Variants in FHIT observed in about 807,000 individuals in gnomAD.
FHIT encodes bis(5'-adenosyl)-triphosphatase.
In FHIT, 19 loss-of-function variants were observed where a neutral mutation model predicts 17.9. That is an observed-to-expected ratio of 1.06 (90% CI 0.74 to 1.56). FHIT has a LOEUF of 1.56. Among genes scored for constraint, FHIT ranks in the 40% most tolerant of loss-of-function variants. FHIT has a pLI of 0.00. For synonymous variants in FHIT, 81 were observed against 69.7 expected, an observed-to-expected ratio of 1.16 and a Z score of -0.81; for missense variants, 248 against 189.2, an observed-to-expected ratio of 1.31 and a Z score of -1.82.
At chr3:60,238,892 C>T (rs148668645) in intron 5 of FHIT, among the ~76,000 whole-genome samples, 160 of 152,282 alleles carry the variant, frequency 1.1e-3, no homozygotes, top group African/African-American at 3.7e-3. Context: ...AGGAATGGAG[C>T]TGATTCCTGT....
At chr3:60,706,521 A>G (rs1312810230) in intron 4 of FHIT, among the ~76,000 whole-genome samples, 4 of 152,236 alleles carry the variant, frequency 2.6e-5, no homozygotes, top group African/African-American at 9.6e-5. Context: ...TTGGGTTAGA[A>G]TGAACACTTA....
At chr3:60,127,071 T>G (rs116197896) in intron 5 of FHIT, among the ~76,000 whole-genome samples, 1,661 of 152,280 alleles carry the variant, frequency 0.011, 16 homozygotes, top group Non-Finnish European at 0.016. Flanking sequence ...CCTGGTGAGA[T>G]CAGGTACCTT....
intron 5 of FHIT, among the ~76,000 whole-genome samples, chr3:60,029,488 A>G (rs1402692802): frequency 8.5e-5 from 13 of 152,192 alleles, no homozygotes. Flanking sequence ...TTAAAAAGAC[A>G]TATATATGCA....
chr3:60,937,278 G>T (rs1575720814), intron 3 of FHIT, among the ~76,000 whole-genome samples: 1 of 152,182 alleles, frequency 6.6e-6, no homozygotes, highest in Non-Finnish European at 1.5e-5. Flanking sequence ...TTGATTTGGG[G>T]CTGTATTTGG....
At chr3:60,475,514 C>T (rs545952168) in intron 5 of FHIT, among the ~76,000 whole-genome samples, 7 of 152,246 alleles carry the variant, frequency 4.6e-5, no homozygotes, top group African/African-American at 1.2e-4. Flanking sequence ...TGCACTTGTG[C>T]GCTTAAAACT....
At chr3:60,295,800 T>C (rs192988174) in intron 5 of FHIT, among the ~76,000 whole-genome samples, 2 of 152,232 alleles carry the variant, frequency 1.3e-5, no homozygotes, top group East Asian at 1.9e-4. Flanking sequence ...AGAGAAAGGA[T>C]AGCTTTTCCA....
chr3:60,423,006 A>G (rs1246705284), intron 5 of FHIT, among the ~76,000 whole-genome samples: 1 of 152,182 alleles, frequency 6.6e-6, no homozygotes, highest in Non-Finnish European at 1.5e-5. Context: ...TAATATCTTA[A>G]CTTTAATACT....
intron 5 of FHIT, among the ~76,000 whole-genome samples, chr3:60,396,934 CTAAGTT>C (rs1240639503): frequency 5.3e-5 from 8 of 152,074 alleles, no homozygotes; most frequent in Non-Finnish European, 8.8e-5. Flanking sequence ...CTCCTCATAT[CTAAGTT>C]TAATTTGGGA....
chr3:59,808,991 C>T (rs1042665747), intron 8 of FHIT, among the ~76,000 whole-genome samples: 1 of 151,884 alleles, frequency 6.6e-6, no homozygotes, highest in Non-Finnish European at 1.5e-5. Flanking sequence ...TATCATTTTC[C>T]CGGTGGTGAT....
intron 8 of FHIT, among the ~76,000 whole-genome samples, chr3:59,885,441 C>CT (rs60795525): frequency 0.092 from 12,460 of 135,998 alleles, 1,236 homozygotes; most frequent in African/African-American, 0.25. Context: ...CTACCTGATG[C>CT]TTTTTTTTTT....
chr3:60,861,092 G>GTAT (rs1703789566), intron 3 of FHIT, among the ~76,000 whole-genome samples: 1 of 87,930 alleles, frequency 1.1e-5, no homozygotes, highest in African/African-American at 4.0e-5. Flanking sequence ...ATATATATCA[G>GTAT]ATATCATATA....
At chr3:60,045,199 G>T (rs1471311554) in intron 5 of FHIT, among the ~76,000 whole-genome samples, 1 of 152,076 alleles carries the variant, frequency 6.6e-6, no homozygotes, top group Non-Finnish European at 1.5e-5. Flanking sequence ...TTAAAATGAT[G>T]TATTATTCCA....
chr3:60,359,645 C>T (rs181566086), intron 5 of FHIT, among the ~76,000 whole-genome samples: 64 of 152,306 alleles, frequency 4.2e-4, no homozygotes, highest in African/African-American at 1.4e-3. Context: ...GCAAGCCAAA[C>T]ACCACTTGTT....
intron 3 of FHIT, among the ~76,000 whole-genome samples, chr3:60,905,026 C>A (rs1293101350): frequency 2.0e-5 from 3 of 151,340 alleles, no homozygotes; most frequent in Non-Finnish European, 2.9e-5. Flanking sequence ...TAGGAATTGC[C>A]CTTAAACATA....
chr3:60,946,790 T>G (rs1249272964), intron 3 of FHIT, among the ~76,000 whole-genome samples: 1 of 152,082 alleles, frequency 6.6e-6, no homozygotes, highest in East Asian at 1.9e-4. Flanking sequence ...GAGAGGGTGA[T>G]GGGGAAGCCT....
chr3:59,997,829 T>C (rs1699576095), intron 7 of FHIT, among the ~76,000 whole-genome samples: 1 of 152,196 alleles, frequency 6.6e-6, no homozygotes, highest in Non-Finnish European at 1.5e-5. Flanking sequence ...CCCACCTTTT[T>C]ATAAGGCTCA....
At chr3:60,828,680 C>T (rs1160433107) in intron 3 of FHIT, among the ~76,000 whole-genome samples, 4 of 151,924 alleles carry the variant, frequency 2.6e-5, no homozygotes, top group African/African-American at 9.7e-5. Context: ...GAGTTTGAGA[C>T]CAGCCTGACC....
chr3:60,830,455 T>G (rs138670699), intron 3 of FHIT, among the ~76,000 whole-genome samples: 88 of 152,174 alleles, frequency 5.8e-4, no homozygotes, highest in African/African-American at 2.1e-3. Flanking sequence ...CCATTAGAGA[T>G]TTCTCTCAGG....
chr3:60,797,453 T>G (rs1448567159), intron 4 of FHIT, among the ~76,000 whole-genome samples: 1 of 103,230 alleles, frequency 9.7e-6, no homozygotes, highest in East Asian at 2.2e-4. Flanking sequence ...ATAAAGAAAT[T>G]GCAGTAGTAG....
Sources: gnomAD v4.1 joint callset for allele counts (sites outside exome capture counted in the v4.1 genomes callset) on GRCh38, gnomAD v4.1.1 for gene constraint, MANE v1.5 for transcripts, NCBI Gene and HGNC (gene_info 2026-07-23, HGNC 2026-07-21) for gene names.